The following VWA8 variants were observed in gnomAD, a reference collection of about 807,000 sequenced individuals.
VWA8 encodes von Willebrand factor A domain-containing protein 8.
Under a neutral mutation model 241.5 loss-of-function variants are expected in VWA8, and 221 were observed. The ratio of observed to expected loss-of-function variants is 0.91; its 90% confidence interval spans 0.82 to 1.02. The LOEUF (loss-of-function observed/expected upper bound fraction) is 1.02, where lower values mean the gene tolerates loss of function less well. Ranked by LOEUF, VWA8 falls within the 50% of genes least tolerant of loss-of-function variation. VWA8 has a pLI of 0.00. For missense variants in VWA8, 2,322 were observed against 2,328.7 expected (o/e 1.00, Z 0.06); for synonymous variants, 852 against 827.1 (o/e 1.03, Z -0.52).
intron 37 of VWA8, among the ~76,000 whole-genome samples, chr13:41,619,167 C>T (rs2044640842): frequency 6.6e-6 from 1 of 152,126 alleles, no homozygotes; most frequent in Non-Finnish European, 1.5e-5. Context: ...TGTAGTTCTC[C>T]TTGAAGAGGT....
chr13:41,583,087 T>G (rs1192819952), intron 42 of VWA8, among the ~76,000 whole-genome samples: 1 of 152,186 alleles, frequency 6.6e-6, no homozygotes, highest in African/African-American at 2.4e-5. Flanking sequence ...AAGGGACAAC[T>G]GTAATTATAA....
chr13:41,863,103 C>T (rs1031841423), intron 12 of VWA8, among the ~76,000 whole-genome samples: 3 of 151,928 alleles, frequency 2.0e-5, no homozygotes, highest in African/African-American at 7.3e-5. Context: ...GGAAGGCAGA[C>T]CCACCCTTAA....
chr13:41,587,508 T>C lies in VWA8; in HGVS notation c.5271+4A>G. On this transcript the variant is annotated splice_donor_region_variant and intron_variant, in intron 42 of 44. Transcript: ENST00000379310. ...CTCTCATTATTCTTAGTTCATGTCA[T>C]TACCTGGAACTTCTCCTCATAGTTC... The C allele has an allele frequency of 1.2e-6, 2 of 1,614,154 alleles. No homozygotes were observed. Among genetic ancestry groups the C allele is most frequent in the South Asian group, 2.2e-5 (2 of 91,070 alleles).
intron 38 of VWA8, 149 bp downstream of exon 38, chr13:41,614,827 G>A: frequency 1.3e-6 from 1 of 752,888 alleles, no homozygotes; most frequent in South Asian, 1.8e-5. Flanking sequence ...GTCACGCTGG[G>A]GCAGAGGGCA....
rs186378299 is a variant in VWA8, at chr13:41,619,071, G to T, written c.4612-3987C>A. Among the ~76,000 whole-genome samples, 52 of 152,238 alleles carry T rather than the reference G, an allele frequency of 3.4e-4. No individual in the cohort carries two copies. The East Asian group carries it at 9.4e-3, about 28-fold the overall frequency. ...TCTGTAAATTGCCTTGGGCAGTATG[G>T]CCATTTTCACAATATTGATTCTTCC... is the stretch of plus-strand genomic sequence containing the variant. On this transcript the variant is annotated intron_variant, in intron 37 of 44. Coordinates refer to ENST00000379310, the MANE Select transcript of VWA8 (RefSeq NM_015058.2).
chr13:41,776,958 GA>G (rs1350115151), intron 20 of VWA8, among the ~76,000 whole-genome samples: 7 of 151,972 alleles, frequency 4.6e-5, no homozygotes, highest in African/African-American at 1.7e-4. Context: ...ATACAAAAAA[GA>G]AGAAAAAATA....
chr13:41,571,321 C>CG (rs1489801366), intron 43 of VWA8, among the ~76,000 whole-genome samples: 1 of 142,536 alleles, frequency 7.0e-6, no homozygotes, highest in Admixed American at 6.8e-5. Flanking sequence ...CTCCCTCTCC[C>CG]TCTCCCGTCT....
chr13:41,770,432 C>T (rs555471064), intron 20 of VWA8, among the ~76,000 whole-genome samples: 9 of 136,636 alleles, frequency 6.6e-5, no homozygotes, highest in Admixed American at 4.7e-4. Flanking sequence ...CAGAGCGAGA[C>T]TCCGTTTCAA....
At chr13:41,855,908 A>C (rs1872728065) in intron 12 of VWA8, among the ~76,000 whole-genome samples, 1 of 152,242 alleles carries the variant, frequency 6.6e-6, no homozygotes, top group African/African-American at 2.4e-5. Context: ...CTATAATAGC[A>C]GAGTTGAGAA....
chr13:41,583,779 A>G (rs948964314), intron 42 of VWA8, among the ~76,000 whole-genome samples: 4 of 152,094 alleles, frequency 2.6e-5, no homozygotes, highest in African/African-American at 9.7e-5. Context: ...GTTCCAGACT[A>G]AAAGAGGCAA....
chr13:41,944,132 T>TA (rs946031411), intron 2 of VWA8, among the ~76,000 whole-genome samples: 11 of 149,486 alleles, frequency 7.4e-5, no homozygotes, highest in Admixed American at 3.3e-4. Flanking sequence ...ATAATAATAA[T>TA]AATAAATAAA....
At chr13:41,825,656 T>C (rs1164376287) in intron 14 of VWA8, among the ~76,000 whole-genome samples, 1 of 152,148 alleles carries the variant, frequency 6.6e-6, no homozygotes, top group Non-Finnish European at 1.5e-5. Context: ...CCTTTTTCTC[T>C]CTCTCAAAAT....
At chr13:41,665,118 T>C (rs966059885) in intron 37 of VWA8, among the ~76,000 whole-genome samples, 3 of 152,184 alleles carry the variant, frequency 2.0e-5, no homozygotes, top group African/African-American at 7.2e-5. Flanking sequence ...ATGTAACTCA[T>C]TGGATCATAA....
At chr13:41,884,798 A>C (rs188595005) in intron 8 of VWA8, among the ~76,000 whole-genome samples, 213 of 152,322 alleles carry the variant, frequency 1.4e-3, no homozygotes, top group African/African-American at 4.9e-3. Context: ...TAAAAGTATA[A>C]GATTTGATAA....
rs2044709677 is a variant in VWA8, at chr13:41,628,911, T to G, written c.4612-13827A>C. The stretch of plus-strand genomic sequence containing the variant: ...CAAAAATTAGCTGGGTGTGGTGGTG[T>G]GCGCCTGTAGTCCCAGCTACTCGGG... On this transcript the variant is annotated intron_variant, in intron 37 of 44. Coordinates refer to ENST00000379310, the MANE Select transcript of VWA8 (RefSeq NM_015058.2). 3.3e-5 allele frequency among the ~76,000 whole-genome samples: 5 copies of G among 151,982 alleles called. No individual in the cohort carries two copies. In the East Asian group the frequency reaches 7.7e-4, roughly 24 times the overall value.
At chr13:41,926,098 T>G in intron 2 of VWA8, 5 of 512,544 alleles carry the variant, frequency 9.8e-6, no homozygotes, top group South Asian at 2.6e-5. Context: ...TCAGAAGAAT[T>G]TATTCATATT....
In VWA8 at chr13:41,771,429, A is replaced by T. The variant is rs113897431; in HGVS notation, c.2349+6556T>A. ...TGAGCCACCTCGCCCAGCCTAAAAA[A>T]TAATTCTTATGTAAGGATACTTGAA... On this transcript the variant is annotated intron_variant, in intron 20 of 44. Transcript: ENST00000379310. Among the ~76,000 whole-genome samples, 933 of 151,862 alleles carry T rather than the reference A, an allele frequency of 6.1e-3. 8 individuals carry two copies. Among genetic ancestry groups the T allele is most frequent in the African/African-American group, 0.022 (891 of 41,436 alleles).
At chr13:41,868,162 A>G (rs943252019) in intron 10 of VWA8, among the ~76,000 whole-genome samples, 184 bp downstream of exon 10, 1 of 152,154 alleles carries the variant, frequency 6.6e-6, no homozygotes, top group African/African-American at 2.4e-5. Flanking sequence ...GGCTTTCCCT[A>G]TGTTTCTCCT....
intron 40 of VWA8, among the ~76,000 whole-genome samples, chr13:41,593,229 A>G (rs2044467717): frequency 6.6e-6 from 1 of 152,188 alleles, no homozygotes; most frequent in Non-Finnish European, 1.5e-5. Context: ...CAAAATTACC[A>G]TTTTGGAATA....
Sources: allele counts gnomAD v4.1 joint callset (sites outside exome capture counted in the v4.1 genomes callset), GRCh38; gene constraint gnomAD v4.1.1; transcripts MANE v1.5; gene names NCBI Gene and HGNC (gene_info 2026-07-23, HGNC 2026-07-21).